The following EZH1 variants were observed in gnomAD, a reference collection of about 807,000 sequenced individuals.
EZH1 encodes enhancer of zeste 1 polycomb repressive complex 2 subunit.
A neutral mutation model predicts 100.5 loss-of-function variants in EZH1; 33 were observed. The ratio of observed to expected loss-of-function variants is 0.33; its 90% CI spans 0.25 to 0.44. The LOEUF (loss-of-function observed/expected upper bound fraction) is 0.44. EZH1 is among the 20% of genes least tolerant of loss of function. EZH1 has a pLI of 1.00. For synonymous variants in EZH1, 272 were observed against 313.8 expected, an observed-to-expected ratio of 0.87 and a Z score of 1.41; for missense variants, 475 against 928.4, an observed-to-expected ratio of 0.51 and a Z score of 6.35.
intron 11 of EZH1, 96 bp downstream of exon 11, chr17:42,713,113 T>G (rs1361656092): frequency 1.9e-6 from 2 of 1,063,134 alleles, no homozygotes; most frequent in Non-Finnish European, 2.7e-6. Context: ...ATTTATAATT[T>G]TTAAGAGGTA....
Position 42,719,189 on chromosome 17 carries a change from T to C in EZH1, c.683A>G (p.Lys228Arg), listed in dbSNP as rs777039568. Residue 228 changes from lysine (K) to arginine (R), a missense_variant, in exon 8 of 21, where the codon AAG becomes AGG. This residue lies in a region of EZH1 where 180 missense variants were observed against 295.3 expected (regional missense o/e 0.61). Transcript: ENST00000428826. ...HAIEGNKKSS[K>R]KQFPNDMIFS... ...GATCATGTCATTTGGGAACTGTTTC[T>C]TGGAACTCTTTTTGTTGCCTGAATT... is the stretch of plus-strand genomic sequence containing the variant. 3 of 1,613,892 alleles carry C rather than the reference T, an allele frequency of 1.9e-6. No homozygotes were observed. The highest frequency in any genetic ancestry group is 4.5e-5 in the East Asian group (2 of 44,864).
chr17:42,728,140 G>A (rs2053861532), intron 3 of EZH1, among the ~76,000 whole-genome samples: 5 of 126,804 alleles, frequency 3.9e-5, no homozygotes, highest in African/African-American at 1.2e-4. Flanking sequence ...TTGAGATGGA[G>A]TCTTGCTCTG....
In EZH1 at chr17:42,718,683, G is replaced by C; in HGVS notation, c.768-66C>G. The C allele has an allele frequency of 1.9e-6, 3 of 1,558,976 alleles. No individual in the cohort carries two copies. In the Admixed American group the frequency reaches 5.2e-5, roughly 27 times the overall value. On this transcript the variant is annotated intron_variant, in intron 8 of 20. Transcript: ENST00000428826. The surrounding 1 kb of genome is among the most constrained non-coding windows in gnomAD (Gnocchi z 4.2). ...GCCTCCACTGAGGAAATACAGATTG[G>C]GTACTGACAGTAGCTCACCTACGGT...
At chr17:42,724,620 A>G in intron 4 of EZH1, 196 bp from the exon 5 acceptor site, 1 of 476,460 alleles carries the variant, frequency 2.1e-6, no homozygotes, top group South Asian at 2.1e-5. Flanking sequence ...CATCTCTACA[A>G]AAACATAATA....
In EZH1 at chr17:42,728,828, T is replaced by C. The variant is rs148932067; in HGVS notation, c.114A>G (p.Ala38=). ...QLKRLQANMG[A]KALYVANFAK... Reference sequence around the variant, plus strand: ...TCACTTGGGAATTATTTTTTACCTTTGCACCCATATTTGCCTGAAGCCGTT... The same window carrying C: ...TCACTTGGGAATTATTTTTTACCTTCGCACCCATATTTGCCTGAAGCCGTT... Residue 38 remains alanine, a synonymous_variant, in exon 3 of 21, where the codon GCA becomes GCG. Transcript: ENST00000428826. 3.1e-6 allele frequency: 5 copies of C among 1,613,378 alleles called. No homozygotes were observed. Among genetic ancestry groups the C allele is most frequent in the Non-Finnish European group, 4.2e-6 (5 of 1,179,790 alleles).
chr17:42,721,166 A>G (rs2053698745), intron 6 of EZH1, among the ~76,000 whole-genome samples: 1 of 152,186 alleles, frequency 6.6e-6, no homozygotes, highest in African/African-American at 2.4e-5. Context: ...CTTTATGGAG[A>G]TGTACTACAA....
intron 1 of EZH1, 110 bp downstream of exon 1, chr17:42,744,900 CG>C: frequency 8.7e-7 from 1 of 1,156,036 alleles, no homozygotes. Context: ...GTGTGTCCCT[CG>C]GATTCCTTCC....
chr17:42,738,472 C>T (rs968779471), intron 1 of EZH1, among the ~76,000 whole-genome samples: 2 of 151,634 alleles, frequency 1.3e-5, no homozygotes, highest in African/African-American at 2.4e-5. Context: ...TTTTTTGAGA[C>T]GGAATCTCGC....
At chr17:42,713,118 G>T in intron 11 of EZH1, 91 bp downstream of exon 11, 1 of 1,044,786 alleles carries the variant, frequency 9.6e-7, no homozygotes. Context: ...TAATTTTTAA[G>T]AGGTAGTAAA....
At chr17:42,705,776 C>T in intron 16 of EZH1, 1 of 378,046 alleles carries the variant, frequency 2.6e-6, no homozygotes, top group East Asian at 4.8e-5. Flanking sequence ...CCTCGGCCTC[C>T]CAAACTGCTG....
rs1413076086 is a variant in EZH1, at chr17:42,728,925, G to T, written c.17C>A (p.Pro6His). 3 of 1,612,594 alleles carry T rather than the reference G, an allele frequency of 1.9e-6. No homozygotes were observed. Among genetic ancestry groups the T allele is most frequent in the Non-Finnish European group, 2.5e-6 (3 of 1,179,514 alleles). MEIPN[P>H]PTSKCITYWK... ...GTAAGTGATACATTTGGAGGTAGGG[G>T]GATTTGGTATTTCCATCTTGCTGTA... The change falls in exon 3 of 21, where the codon CCC becomes CAC. Residue 6 changes from proline (P) to histidine (H), a missense_variant. Around this residue, in one of 8 missense-constraint regions of EZH1, gnomAD observed 105 missense variants for 129.8 expected, o/e 0.81. Transcript: ENST00000428826.
At chr17:42,705,601 C>G (rs910746232) in intron 16 of EZH1, 2 of 177,876 alleles carry the variant, frequency 1.1e-5, no homozygotes, top group African/African-American at 4.8e-5. Context: ...CTTGCTGCAA[C>G]CTCCACCTCC....
intron 1 of EZH1, among the ~76,000 whole-genome samples, chr17:42,735,758 C>T (rs1331682646): frequency 2.0e-5 from 3 of 152,246 alleles, no homozygotes; most frequent in Admixed American, 6.5e-5. Flanking sequence ...GAGGTCAAGG[C>T]GGGTGGATCA....
rs2053231313 is a variant in EZH1 at position 42,701,108 on chromosome 17, T to C, written c.*1424A>G. On this transcript the variant is annotated 3_prime_UTR_variant, in exon 21 of 21. Coordinates refer to ENST00000428826, the MANE Select transcript of EZH1 (RefSeq NM_001991.5). ...ACCCACCATGGACACAGGGCAGCTC[T>C]TGCTGGCCCCATTCACATGAAATTC... 1 of 152,672 alleles carries C rather than the reference T, an allele frequency of 6.5e-6. No individual in the cohort carries two copies. The highest frequency in any genetic ancestry group is 1.5e-5 in the Non-Finnish European group (1 of 68,204). 9.5% of individuals were successfully genotyped at this position (152,672 alleles called of 1,614,324 possible). A position where few individuals can be genotyped will look rare whatever the true frequency, so the allele number is the denominator to read the frequency against.
At chr17:42,731,881 C>T (rs2053957205) in intron 1 of EZH1, 1 of 152,352 alleles carries the variant, frequency 6.6e-6, no homozygotes, top group Non-Finnish European at 1.5e-5. Context: ...GCCTGGGCAA[C>T]AAGAGTGAGA....
At position 42,728,957 on chromosome 17, in the gene EZH1, G is replaced by C. The variant is rs1339881699; in HGVS notation, c.-11-5C>G. On this transcript the variant is annotated splice_region_variant and splice_polypyrimidine_tract_variant and intron_variant, in intron 2 of 20. Transcript: ENST00000428826. ...GTATTTCCATCTTGCTGTAATCTAA[G>C]AGAGACAGAGATGAGAAATAGCATT... The C allele has an allele frequency of 6.3e-7, 1 of 1,595,468 alleles. No individual in the cohort carries two copies. Among genetic ancestry groups the C allele is most frequent in the Admixed American group, 1.8e-5 (1 of 56,394 alleles).
At chr17:42,703,480 T>G in intron 19 of EZH1, 2 of 448,590 alleles carry the variant, frequency 4.5e-6, no homozygotes, top group Non-Finnish European at 8.1e-6. Flanking sequence ...ACCCAGCCTA[T>G]TATTATTTTG....
At chr17:42,712,573 T>C in intron 11 of EZH1, 88 bp from the exon 12 acceptor site, 1 of 1,274,380 alleles carries the variant, frequency 7.8e-7, no homozygotes, top group Non-Finnish European at 1.1e-6. Context: ...TACTTCATTC[T>C]ACTTTAAAAG....
At chr17:42,742,353 G>A (rs1002497360) in intron 1 of EZH1, among the ~76,000 whole-genome samples, 1 of 152,028 alleles carries the variant, frequency 6.6e-6, no homozygotes, top group African/African-American at 2.4e-5. Flanking sequence ...ATATTGGCCA[G>A]GCTGGTTTTG....
Sources: allele counts gnomAD v4.1 joint callset (sites outside exome capture counted in the v4.1 genomes callset), GRCh38; gene constraint gnomAD v4.1.1; regional missense constraint gnomAD v4.1.1; non-coding constraint Gnocchi (gnomAD v3.1); transcripts MANE v1.5; gene names NCBI Gene and HGNC (gene_info 2026-07-23, HGNC 2026-07-21).